Variants in LARGE1 observed in about 807,000 individuals in gnomAD.
The protein encoded by LARGE1 is xylosyl- and glucuronyltransferase LARGE1.
Under a neutral mutation model 87.6 loss-of-function variants are expected in LARGE1, and 43 were observed. The observed-to-expected ratio is 0.49, with a 90% CI of 0.38 to 0.63. The LOEUF (loss-of-function observed/expected upper bound fraction) is 0.63, where lower values mean the gene tolerates loss of function less well. Ranked by LOEUF, LARGE1 falls within the 30% of genes least tolerant of loss-of-function variation. The probability of loss-of-function intolerance (pLI) is 0.00; values close to 1 mark genes in which losing one functional copy is unlikely to be tolerated. For synonymous variants in LARGE1, 434 were observed against 394.6 expected (o/e 1.10, Z -1.18); for missense variants, 802 against 1,000.2 (o/e 0.80, Z 2.67).
chr22:33,832,910 T>C (rs541847653), intron 1 of LARGE1, among the ~76,000 whole-genome samples: 3 of 152,338 alleles, frequency 2.0e-5, no homozygotes, highest in South Asian at 4.1e-4. Flanking sequence ...GGGCCAGACA[T>C]GGCCTGGCAG....
intron 11 of LARGE1, among the ~76,000 whole-genome samples, chr22:33,179,521 C>A (rs1431697610): frequency 6.6e-6 from 1 of 152,202 alleles, no homozygotes; most frequent in Non-Finnish European, 1.5e-5. Context: ...GACAGAAGGG[C>A]AGAGCAGTAC....
At chr22:33,269,992 A>G (rs1031884312), downstream of LARGE1, among the ~76,000 whole-genome samples, 9 of 148,688 alleles carry the variant, frequency 6.1e-5, no homozygotes, top group East Asian at 7.8e-4. Context: ...GTGACAGAGC[A>G]AGACTCTGTC....
chr22:33,234,464 CCTAA>C (rs1339310516), intron 11 of LARGE1, among the ~76,000 whole-genome samples: 4 of 152,162 alleles, frequency 2.6e-5, no homozygotes, highest in Non-Finnish European at 4.4e-5. Context: ...ACCTGAGAAT[CCTAA>C]CTGTTTTGAG....
chr22:33,347,123 C>G (rs1939854523), intron 9 of LARGE1, among the ~76,000 whole-genome samples: 1 of 152,172 alleles, frequency 6.6e-6, no homozygotes, highest in Admixed American at 6.5e-5. Flanking sequence ...TTTTAAGCCA[C>G]TGCATATTGA....
the LARGE1 span, among the ~76,000 whole-genome samples, chr22:33,148,095 GT>G: frequency 1.3e-5 from 2 of 152,254 alleles, no homozygotes; most frequent in African/African-American, 4.8e-5. Flanking sequence ...GTTTGGGCCT[GT>G]TTCCTCTTTC....
intron 9 of LARGE1, among the ~76,000 whole-genome samples, chr22:33,357,401 C>A (rs979125386): frequency 1.8e-4 from 27 of 152,166 alleles, no homozygotes; most frequent in African/African-American, 6.3e-4. Context: ...GTAATGGGTA[C>A]AATGTACATT....
At chr22:33,844,195 G>A (rs1013258433) in intron 1 of LARGE1, among the ~76,000 whole-genome samples, 1 of 152,028 alleles carries the variant, frequency 6.6e-6, no homozygotes, top group Non-Finnish European at 1.5e-5. Context: ...TCTTGAGACC[G>A]TCCAAGGTTT....
chr22:33,885,059 T>C (rs5754739), intron 1 of LARGE1, among the ~76,000 whole-genome samples: 74,354 of 152,180 alleles, frequency 0.49, 19,242 homozygotes, highest in East Asian at 0.99. Flanking sequence ...CACTTCATCC[T>C]AATGCTCTGA....
intron 1 of LARGE1, among the ~76,000 whole-genome samples, chr22:33,900,269 C>T (rs926902587): frequency 2.0e-5 from 3 of 152,198 alleles, no homozygotes; most frequent in Non-Finnish European, 2.9e-5. Context: ...GCTCAGCTCC[C>T]GGGTGGTGCT....
intron 1 of LARGE1, among the ~76,000 whole-genome samples, chr22:33,915,042 CAGAGAG>C (rs57289711): frequency 7.3e-6 from 1 of 137,032 alleles, no homozygotes; most frequent in Admixed American, 7.3e-5. Flanking sequence ...CACACACACA[CAGAGAG>C]AGAGAGAGAG....
At chr22:33,425,168 A>G (rs1200332011) in intron 7 of LARGE1, among the ~76,000 whole-genome samples, 4 of 152,158 alleles carry the variant, frequency 2.6e-5, no homozygotes, top group African/African-American at 9.7e-5. Flanking sequence ...AGGCTGAGGC[A>G]GGAGAATCGC....
At position 33,166,834 on chromosome 22, in the gene LARGE1, T is replaced by C. The variant is rs988206074; in HGVS notation, c.1731-2A>G. 4 of 471,412 alleles carry C rather than the reference T, an allele frequency of 8.5e-6. No individual in the cohort carries two copies. The highest frequency in any genetic ancestry group is 6.0e-5 in the African/African-American group (3 of 50,210). The allele number at this position is 471,412 out of a possible 1,614,324, so 29.2% of individuals were successfully genotyped here. ...GATAGGGTCTGGCTAAAATCAAAGC[T>C]AGAAGCAAAAGAGAATGAGAAAGGG... On this transcript the variant is annotated splice_acceptor_variant, in intron 11 of 11. Transcript: ENST00000608642. LOFTEE classifies it high-confidence loss of function.
At chr22:33,842,461 C>T (rs1299779861) in intron 1 of LARGE1, among the ~76,000 whole-genome samples, 1 of 152,170 alleles carries the variant, frequency 6.6e-6, no homozygotes, top group Non-Finnish European at 1.5e-5. Context: ...AACAAAGTTA[C>T]TAATATTCAT....
chr22:33,644,026 A>C (rs2080527342), intron 3 of LARGE1, among the ~76,000 whole-genome samples: 1 of 152,206 alleles, frequency 6.6e-6, no homozygotes, highest in Non-Finnish European at 1.5e-5. Context: ...TATTCCAAAA[A>C]TAAAAAAAGA....
At chr22:33,556,538 A>AGGAGGGAGGGAGGGAGGGAGGGAGGGAG (rs769770874) in intron 6 of LARGE1, among the ~76,000 whole-genome samples, 7 of 72,572 alleles carry the variant, frequency 9.6e-5, no homozygotes, top group African/African-American at 4.9e-4. Flanking sequence ...GAGGGAGGGA[A>AGGAGGGAGGGAGGGAGGGAGGGAGGGAG]GGAGGGAGGG....
At chr22:33,461,273 G>C (rs1195088429) in intron 6 of LARGE1, among the ~76,000 whole-genome samples, 2 of 152,196 alleles carry the variant, frequency 1.3e-5, no homozygotes, top group African/African-American at 2.4e-5. Context: ...GGGCCACAGA[G>C]TGAGACCCTG....
chr22:33,630,818 CT>C (rs2149094431), intron 3 of LARGE1, among the ~76,000 whole-genome samples: 1 of 149,740 alleles, frequency 6.7e-6, no homozygotes, highest in African/African-American at 2.5e-5. Context: ...CTTACTGGAA[CT>C]TTTTTACTTT....
At position 33,170,544 on chromosome 22, in the gene LARGE1, G is replaced by A. The variant is rs544351881; in HGVS notation, c.1731-3712C>T. 2.8e-4 allele frequency among the ~76,000 whole-genome samples: 43 copies of A among 152,178 alleles called. No homozygotes were observed. In the South Asian group the frequency reaches 5.0e-3, roughly 18 times the overall value. ...GAGTGGTTTCCCCGATGCTGTTCTC[G>A]TGACAATGAGGGAGATATCATAAGA... On this transcript the variant is annotated intron_variant, in intron 11 of 11. Transcript: ENST00000608642.
chr22:33,499,491 C>A (rs945216387), intron 6 of LARGE1, among the ~76,000 whole-genome samples: 1 of 152,216 alleles, frequency 6.6e-6, no homozygotes, highest in African/African-American at 2.4e-5. Context: ...TGGAAGCCTG[C>A]AGCCCCAGGG....
Sources: allele counts gnomAD v4.1 joint callset (sites outside exome capture counted in the v4.1 genomes callset), GRCh38; gene constraint gnomAD v4.1.1; transcripts MANE v1.5; gene names NCBI Gene and HGNC (gene_info 2026-07-23, HGNC 2026-07-21).